The following IQCM variants were observed in gnomAD, a reference collection of about 807,000 sequenced individuals.
IQCM encodes the protein IQ motif containing M, also known as IQ domain-containing protein M.
IQCM carries 45 observed loss-of-function variants against 57.6 expected under a neutral mutation model. The ratio of observed to expected loss-of-function variants is 0.78; its 90% CI spans 0.62 to 1.00. IQCM has a LOEUF of 1.00. IQCM is among the 50% of genes least tolerant of loss of function. The pLI is 0.00. For synonymous variants in IQCM, 148 were observed against 158.9 expected (o/e 0.93, Z 0.51); for missense variants, 468 against 511.6 (o/e 0.91, Z 0.82).
At chr4:149,536,692 C>G (rs970672535) in intron 12 of IQCM, among the ~76,000 whole-genome samples, 1 of 151,798 alleles carries the variant, frequency 6.6e-6, no homozygotes, top group Non-Finnish European at 1.5e-5. Context: ...ATTAAGTGTT[C>G]AAAATATATT....
rs79564207 is a variant in IQCM at position 149,738,154 on chromosome 4, C to A, written c.38-2696G>T. Among the ~76,000 whole-genome samples the A allele has an allele frequency of 9.0e-3, 1,365 of 152,232 alleles. 9 individuals carry two copies. Among genetic ancestry groups the A allele is most frequent in the African/African-American group, 0.03 (1,264 of 41,542 alleles). On this transcript the variant is annotated intron_variant, in intron 3 of 13. Coordinates refer to ENST00000636793, the MANE Select transcript of IQCM (RefSeq NM_001363507.2). ...CTGCTGAAGTCACACAGCAGTGCTG[C>A]GGCTCTGCACAGGCACTGTGCTCCT...
At chr4:149,582,307 CATATATAT>C (rs70965193) in intron 9 of IQCM, among the ~76,000 whole-genome samples, 85 of 88,010 alleles carry the variant, frequency 9.7e-4, no homozygotes, top group Non-Finnish European at 1.1e-3. Flanking sequence ...ATGCTGTAGA[CATATATAT>C]ATATATATAT....
At chr4:149,502,284 T>A (rs915423812) in intron 12 of IQCM, among the ~76,000 whole-genome samples, 2 of 152,102 alleles carry the variant, frequency 1.3e-5, no homozygotes, top group African/African-American at 4.8e-5. Flanking sequence ...ATAAATGGAT[T>A]CTTAAACCAG....
intron 10 of IQCM, among the ~76,000 whole-genome samples, chr4:149,562,967 AT>A (rs1750272531): frequency 6.6e-6 from 1 of 152,152 alleles, no homozygotes. Context: ...GATTTCCCAA[AT>A]TCCTTATTAG....
At chr4:149,648,276 T>C (rs1334133287) in intron 7 of IQCM, among the ~76,000 whole-genome samples, 1 of 152,202 alleles carries the variant, frequency 6.6e-6, no homozygotes, top group Non-Finnish European at 1.5e-5. Context: ...TAGCTATTAT[T>C]GACTCCTTAT....
chr4:149,621,240 T>C lies in IQCM; in HGVS notation c.570A>G (p.Lys190=). Reference sequence around the variant, plus strand: ...CAAATCCTCTCCAGTCATAGAATGCTTTGTCTGTTAGAAATATCAATGCAG... The same window carrying C: ...CAAATCCTCTCCAGTCATAGAATGCCTTGTCTGTTAGAAATATCAATGCAG... ...SNLELLKEPD[K]AFYDWRGFVL... is the part of the protein sequence containing the mutation. The change falls in exon 8 of 14, where the codon AAA becomes AAG. Residue 190 remains lysine, a synonymous_variant. Transcript: ENST00000636793. The C allele has an allele frequency of 8.2e-7, 1 of 1,226,392 alleles. No homozygotes were observed. The highest frequency in any genetic ancestry group is 4.1e-5 in the South Asian group (1 of 24,204). The allele number at this position is 1,226,392 out of a possible 1,614,324, so 76.0% of individuals were successfully genotyped here. A position where few individuals can be genotyped will look rare whatever the true frequency, so the allele number is the denominator to read the frequency against.
chr4:149,733,178 G>C, intron 5 of IQCM, 66 bp downstream of exon 5: 1 of 1,181,978 alleles, frequency 8.5e-7, no homozygotes, highest in Non-Finnish European at 1.1e-6. Flanking sequence ...TCCATTACAG[G>C]CACATAAGAA....
At chr4:149,766,992 A>G (rs982268941) in intron 2 of IQCM, among the ~76,000 whole-genome samples, 2 of 152,090 alleles carry the variant, frequency 1.3e-5, no homozygotes, top group African/African-American at 4.8e-5. Flanking sequence ...TCTTTACCTA[A>G]TGATATCACT....
intron 12 of IQCM, among the ~76,000 whole-genome samples, chr4:149,446,154 T>A (rs1247291281): frequency 6.6e-6 from 1 of 151,770 alleles, no homozygotes; most frequent in Non-Finnish European, 1.5e-5. Flanking sequence ...AAAATATAGT[T>A]CAAAGCTTTT....
chr4:149,536,733 C>T (rs1338134180), intron 12 of IQCM, among the ~76,000 whole-genome samples: 1 of 151,978 alleles, frequency 6.6e-6, no homozygotes, highest in African/African-American at 2.4e-5. Context: ...CAAACAATTT[C>T]ATCCAAAAAG....
chr4:149,623,551 G>A (rs1330715334), intron 7 of IQCM, among the ~76,000 whole-genome samples: 1 of 152,208 alleles, frequency 6.6e-6, no homozygotes, highest in Admixed American at 6.5e-5. Flanking sequence ...GGCACAGAAG[G>A]TGACATGCAA....
chr4:149,522,000 T>C lies in IQCM; in HGVS notation c.1228+26455A>G, dbSNP rs1017662696. ...CCTTATTCTGACAGAGCTGCACCAG[T>C]AGTGATACAAAACTTAGAAACAAAA... is the stretch of plus-strand genomic sequence containing the variant. On this transcript the variant is annotated intron_variant, in intron 12 of 13. Transcript: ENST00000636793. 3.9e-5 allele frequency among the ~76,000 whole-genome samples: 6 copies of C among 152,128 alleles called. No individual in the cohort carries two copies. The East Asian group carries it at 1.2e-3, about 29-fold the overall frequency.
chr4:149,448,167 T>A (rs754086554), intron 12 of IQCM, among the ~76,000 whole-genome samples: 1 of 151,640 alleles, frequency 6.6e-6, no homozygotes, highest in Non-Finnish European at 1.5e-5. Flanking sequence ...CAAGTTATAT[T>A]CAATATGCTC....
chr4:149,506,323 A>G (rs1424476730), intron 12 of IQCM, among the ~76,000 whole-genome samples: 1 of 152,224 alleles, frequency 6.6e-6, no homozygotes, highest in African/African-American at 2.4e-5. Context: ...ATTCTTTGAA[A>G]ATATTATATA....
intron 13 of IQCM, among the ~76,000 whole-genome samples, chr4:149,400,755 A>G (rs1732563011): frequency 6.6e-6 from 1 of 151,986 alleles, no homozygotes; most frequent in Non-Finnish European, 1.5e-5. Flanking sequence ...AATATTAAAA[A>G]GTTTAACATG....
chr4:149,815,064 G>A (rs1774924817), intron 2 of IQCM, among the ~76,000 whole-genome samples: 1 of 151,858 alleles, frequency 6.6e-6, no homozygotes, highest in Non-Finnish European at 1.5e-5. Context: ...AATAAGTGGT[G>A]GTCTCTGTTG....
intron 9 of IQCM, among the ~76,000 whole-genome samples, chr4:149,573,982 T>TA (rs1447286936): frequency 2.0e-5 from 3 of 151,884 alleles, no homozygotes; most frequent in Non-Finnish European, 4.4e-5. Context: ...ATGACTTGGG[T>TA]AACCGGCTTT....
chr4:149,687,952 A>G (rs919239479), intron 5 of IQCM, among the ~76,000 whole-genome samples: 2 of 152,006 alleles, frequency 1.3e-5, no homozygotes, highest in Admixed American at 6.6e-5. Flanking sequence ...ACATACCTCA[A>G]TGTAATAAAA....
intron 2 of IQCM, among the ~76,000 whole-genome samples, chr4:149,782,680 T>TA (rs76715978): frequency 0.034 from 4,595 of 136,030 alleles, 154 homozygotes; most frequent in African/African-American, 0.089. Flanking sequence ...ATCCAGAACT[T>TA]AAAAAAAAAA....
Sources: allele counts gnomAD v4.1 joint callset (sites outside exome capture counted in the v4.1 genomes callset), GRCh38; gene constraint gnomAD v4.1.1; transcripts MANE v1.5; gene names NCBI Gene and HGNC (gene_info 2026-07-23, HGNC 2026-07-21).